Variants in CD2AP observed in about 807,000 individuals in gnomAD.
CD2AP encodes the protein CD2-associated protein.
In CD2AP, 46 loss-of-function variants were observed where a neutral mutation model predicts 85.1. The ratio of observed to expected loss-of-function variants is 0.54; its 90% confidence interval spans 0.43 to 0.69. The LOEUF (loss-of-function observed/expected upper bound fraction) is 0.69. Among genes scored for constraint, CD2AP ranks in the 30% least tolerant of loss-of-function variants. CD2AP has a pLI of 0.00. For missense variants in CD2AP, 769 were observed against 729.5 expected (o/e 1.05, Z -0.62); for synonymous variants, 255 against 252.9 (o/e 1.01, Z -0.08).
chr6:47,528,330 AC>A lies in CD2AP; in HGVS notation c.166-5271del, dbSNP rs1766783317. 1.3e-5 allele frequency among the ~76,000 whole-genome samples: 2 copies of A among 152,124 alleles called. 1 individual carries two copies. Among genetic ancestry groups the A allele is most frequent in the South Asian group, 4.2e-4 (2 of 4,816 alleles). ...GCTGGGGTTACAGGAGTGTGCCACTACGCCTGGCTAATTTTTGTATTTTTAG... is the reference window on the plus strand; with the variant it reads ...GCTGGGGTTACAGGAGTGTGCCACTAGCCTGGCTAATTTTTGTATTTTTAG... On this transcript the variant is annotated intron_variant, in intron 2 of 17. Coordinates refer to ENST00000359314, the MANE Select transcript of CD2AP (RefSeq NM_012120.3).
chr6:47,530,017 C>G (rs1171963956), intron 2 of CD2AP, among the ~76,000 whole-genome samples: 1 of 152,190 alleles, frequency 6.6e-6, no homozygotes, highest in Non-Finnish European at 1.5e-5. Context: ...AGACACTCTT[C>G]CTATTGCCTT....
chr6:47,587,916 T>C (rs1562045431), intron 11 of CD2AP, among the ~76,000 whole-genome samples: 1 of 152,170 alleles, frequency 6.6e-6, no homozygotes, highest in Non-Finnish European at 1.5e-5. Flanking sequence ...TCACTTTTGC[T>C]TTAGGAGCAT....
intron 2 of CD2AP, among the ~76,000 whole-genome samples, chr6:47,523,447 T>G (rs1766646573): frequency 6.6e-6 from 1 of 152,146 alleles, no homozygotes; most frequent in Non-Finnish European, 1.5e-5. Context: ...GATCTCCATT[T>G]CCACTTGTGT....
At chr6:47,586,710 C>G (rs1288386827) in intron 11 of CD2AP, among the ~76,000 whole-genome samples, 5 of 151,984 alleles carry the variant, frequency 3.3e-5, no homozygotes, top group African/African-American at 1.2e-4. Flanking sequence ...GAAAACGATA[C>G]TAGATTGGCA....
intron 12 of CD2AP, among the ~76,000 whole-genome samples, chr6:47,597,588 G>T (rs1562050055): frequency 6.6e-6 from 1 of 150,882 alleles, no homozygotes; most frequent in South Asian, 2.1e-4. Context: ...GATGATCCAG[G>T]AGCAGATGTG....
chr6:47,519,020 G>C (rs180970657), intron 2 of CD2AP, among the ~76,000 whole-genome samples: 7 of 152,266 alleles, frequency 4.6e-5, no homozygotes, highest in Admixed American at 2.6e-4. Context: ...TATTTATTCA[G>C]ATATTTACTG....
chr6:47,585,121 G>A (rs574925322), intron 11 of CD2AP, among the ~76,000 whole-genome samples: 177 of 151,090 alleles, frequency 1.2e-3, no homozygotes, highest in African/African-American at 4.2e-3. Flanking sequence ...GTGAAACCCC[G>A]TCTCTACTAA....
intron 3 of CD2AP, among the ~76,000 whole-genome samples, chr6:47,539,911 G>T (rs1205803392): frequency 1.3e-5 from 2 of 151,972 alleles, no homozygotes; most frequent in African/African-American, 4.8e-5. Context: ...GAGTGTGGTG[G>T]CTCACACCTG....
At chr6:47,572,453 CT>C (rs1768184371) in intron 5 of CD2AP, among the ~76,000 whole-genome samples, 1 of 152,222 alleles carries the variant, frequency 6.6e-6, no homozygotes, top group African/African-American at 2.4e-5. Flanking sequence ...GTCTTCTCCA[CT>C]TCAGTCTTCT....
At chr6:47,601,706 A>C (rs1226879451) in intron 13 of CD2AP, among the ~76,000 whole-genome samples, 3 of 152,168 alleles carry the variant, frequency 2.0e-5, no homozygotes, top group Admixed American at 2.0e-4. Flanking sequence ...CTTCAAAAAA[A>C]GTATTTTGGC....
rs749595817 is a variant in CD2AP at position 47,574,165 on chromosome 6, G to A, written c.643G>A (p.Gly215Arg). 1 of 1,613,972 alleles carries A rather than the reference G, an allele frequency of 6.2e-7. No individual in the cohort carries two copies. The stretch of plus-strand genomic sequence containing the variant: ...ACAGCCAAAGAAAATTCGAGGAATT[G>A]GATTTGGAGACATTTTTAAAGAAGG... The part of the protein sequence containing the change: ...VTQPKKIRGI[G>R]FGDIFKEGSV... The change falls in exon 6 of 18, where the codon GGA (glycine) becomes AGA (arginine). Residue 215 changes from glycine to arginine, a missense_variant. Physicochemically the swap from Gly to Arg is moderately radical, Grantham distance 125. Transcript: ENST00000359314.
At chr6:47,492,165 C>T (rs186765022) in intron 1 of CD2AP, among the ~76,000 whole-genome samples, 2 of 152,142 alleles carry the variant, frequency 1.3e-5, no homozygotes, top group East Asian at 3.9e-4. Context: ...ATCATAATCC[C>T]TTCAAGCTGC....
At chr6:47,508,546 GTTTTTTTTT>G (rs59914741) in intron 2 of CD2AP, among the ~76,000 whole-genome samples, 1 of 91,464 alleles carries the variant, frequency 1.1e-5, no homozygotes, top group African/African-American at 3.9e-5. Flanking sequence ...TTTTTTTTTT[GTTTTTTTTT>G]TTTTTTTTGG....
At chr6:47,514,025 T>C (rs1766388978) in intron 2 of CD2AP, among the ~76,000 whole-genome samples, 1 of 152,178 alleles carries the variant, frequency 6.6e-6, no homozygotes, top group Non-Finnish European at 1.5e-5. Context: ...ATATTTCTTC[T>C]ATTTTTCCTT....
At chr6:47,543,132 CAGAG>C (rs1767265602) in intron 3 of CD2AP, among the ~76,000 whole-genome samples, 3 of 88,934 alleles carry the variant, frequency 3.4e-5, no homozygotes. Context: ...GCCTGGGCAA[CAGAG>C]CAAGACTGTC....
intron 17 of CD2AP, among the ~76,000 whole-genome samples, chr6:47,622,677 A>T (rs1000067858): frequency 1.3e-5 from 2 of 152,198 alleles, no homozygotes; most frequent in Non-Finnish European, 2.9e-5. Flanking sequence ...GTTGGGACAC[A>T]CACACTATTT....
intron 17 of CD2AP, among the ~76,000 whole-genome samples, chr6:47,621,776 T>A (rs1014256880): frequency 5.3e-5 from 8 of 152,072 alleles, no homozygotes; most frequent in Non-Finnish European, 1.2e-4. Flanking sequence ...TCTAGGAGGG[T>A]TGTATTTTTC....
intron 4 of CD2AP, among the ~76,000 whole-genome samples, chr6:47,547,693 C>T (rs941950311): frequency 6.6e-6 from 1 of 152,078 alleles, no homozygotes. Context: ...AATACTTATA[C>T]AACATTCTAC....
At chr6:47,599,908 A>C (rs572676360) in intron 13 of CD2AP, among the ~76,000 whole-genome samples, 4 of 151,732 alleles carry the variant, frequency 2.6e-5, no homozygotes, top group South Asian at 2.1e-4. Context: ...CCCTTTTGCT[A>C]ATTTTTTTTT....
Sources: gnomAD v4.1 joint callset for allele counts (sites outside exome capture counted in the v4.1 genomes callset) on GRCh38, gnomAD v4.1.1 for gene constraint, MANE v1.5 for transcripts, NCBI Gene and HGNC (gene_info 2026-07-23, HGNC 2026-07-21) for gene names.